Variants in AVEN observed in about 807,000 individuals in gnomAD.
The protein encoded by AVEN is cell death regulator Aven.
AVEN carries 41 observed loss-of-function variants against 38.1 expected under a neutral mutation model. The ratio of observed to expected loss-of-function variants is 1.08; its 90% CI spans 0.84 to 1.40. The LOEUF (loss-of-function observed/expected upper bound fraction) is 1.40. Among genes scored for constraint, AVEN ranks in the 40% most tolerant of loss-of-function variants. The pLI is 0.00. For synonymous variants in AVEN, 206 were observed against 171.8 expected, an observed-to-expected ratio of 1.20 and a Z score of -1.56; for missense variants, 605 against 438.8, an observed-to-expected ratio of 1.38 and a Z score of -3.38.
chr15:33,858,922 G>C (rs2080028010), exon 12 of AVEN: 1 of 152,382 alleles, frequency 6.6e-6, no homozygotes, highest in Admixed American at 6.5e-5. Context: ...ACCGTCATGA[G>C]ACAGCAATCC....
At chr15:33,911,165 ATCAC>A (rs1156831643) in intron 2 of AVEN, among the ~76,000 whole-genome samples, 1 of 152,164 alleles carries the variant, frequency 6.6e-6, no homozygotes, top group Non-Finnish European at 1.5e-5. Flanking sequence ...ACCTCTTCTC[ATCAC>A]TCACAGTATC....
intron 2 of AVEN, among the ~76,000 whole-genome samples, chr15:33,917,391 CACACA>C (rs201152379): frequency 0.2 from 60 of 300 alleles, no homozygotes; most frequent in East Asian, 0.46. Flanking sequence ...CACACACACA[CACACA>C]CATGGAATAC....
intron 2 of AVEN, among the ~76,000 whole-genome samples, chr15:33,922,434 CT>C (rs1396202453): frequency 4.1e-5 from 3 of 72,660 alleles, no homozygotes; most frequent in African/African-American, 9.1e-5. Flanking sequence ...TGATTTGACA[CT>C]TTTTTTTCTC....
chr15:33,930,519 A>G (rs971050114), intron 2 of AVEN, among the ~76,000 whole-genome samples: 2 of 152,216 alleles, frequency 1.3e-5, no homozygotes, highest in African/African-American at 4.8e-5. Flanking sequence ...AAAGACATGG[A>G]GCTAAATAAT....
At chr15:33,859,876 T>C in intron 11 of AVEN, 1 of 897,508 alleles carries the variant, frequency 1.1e-6, no homozygotes, top group East Asian at 2.6e-5. Flanking sequence ...GCATCTACTA[T>C]ACCTGAGGCT....
intron 2 of AVEN, among the ~76,000 whole-genome samples, chr15:33,886,461 C>G (rs942405145): frequency 5.9e-5 from 9 of 152,176 alleles, no homozygotes; most frequent in Non-Finnish European, 1.3e-4. Flanking sequence ...TGCCACCACA[C>G]TCGGCTAATT....
At chr15:34,010,948 T>G (rs1007331339) in intron 1 of AVEN, among the ~76,000 whole-genome samples, 1 of 152,364 alleles carries the variant, frequency 6.6e-6, no homozygotes. Context: ...CTTTTTTCAC[T>G]ATTAAAAAAC....
At chr15:33,916,636 C>CAAT (rs1244176178) in intron 2 of AVEN, among the ~76,000 whole-genome samples, 10 of 151,904 alleles carry the variant, frequency 6.6e-5, no homozygotes, top group African/African-American at 2.4e-4. Flanking sequence ...AACCACAATG[C>CAAT]AATACTACAT....
chr15:33,866,743 A>G lies in AVEN; in HGVS notation c.974-15T>C. 6.4e-7 allele frequency: 1 copy of G among 1,561,030 alleles called. No individual in the cohort carries two copies. Among genetic ancestry groups the G allele is most frequent in the Non-Finnish European group, 8.8e-7 (1 of 1,131,994 alleles). On this transcript the variant is annotated splice_polypyrimidine_tract_variant and intron_variant, in intron 5 of 5. Coordinates refer to ENST00000306730, the MANE Select transcript of AVEN (RefSeq NM_020371.3). ...TTTTGCACAAACTGGGGGAAAAAAAACAATGTTAACACCCTCAGATGAGTC... is the reference window on the plus strand; with the variant it reads ...TTTTGCACAAACTGGGGGAAAAAAAGCAATGTTAACACCCTCAGATGAGTC...
chr15:33,870,989 G>A lies in AVEN; in HGVS notation c.558C>T (p.Ala186=), dbSNP rs551382705. 6.2e-7 allele frequency: 1 copy of A among 1,609,284 alleles called. No homozygotes were observed. The highest frequency in any genetic ancestry group is 8.5e-7 in the Non-Finnish European group (1 of 1,177,288). The change falls in exon 4 of 6, where the codon GCC becomes GCT. Residue 186 remains alanine (A), a synonymous_variant. Coordinates refer to ENST00000306730, the MANE Select transcript of AVEN (RefSeq NM_020371.3). ...GGAGGCAGAGAGGCAGCTCTTGAAGGGCTCGAACCAATAACTCACTATCCA... is the reference window on the plus strand; with the variant it reads ...GGAGGCAGAGAGGCAGCTCTTGAAGAGCTCGAACCAATAACTCACTATCCA... ...FYVDSELLVR[A]LQELPLCLRL...
downstream of AVEN, chr15:33,853,787 G>GTC (rs761755960): frequency 4.9e-6 from 7 of 1,441,872 alleles, no homozygotes; most frequent in Non-Finnish European, 5.6e-6. Context: ...TCAGGCTGTG[G>GTC]TCTGGCTTAG....
chr15:33,974,261 T>C (rs957579581), intron 2 of AVEN, among the ~76,000 whole-genome samples: 7 of 152,258 alleles, frequency 4.6e-5, no homozygotes, highest in African/African-American at 1.7e-4. Flanking sequence ...TACAGTCATC[T>C]TTCTATTCAA....
At chr15:33,924,086 G>A (rs1893518420) in intron 2 of AVEN, among the ~76,000 whole-genome samples, 1 of 151,694 alleles carries the variant, frequency 6.6e-6, no homozygotes, top group Non-Finnish European at 1.5e-5. Context: ...CCCTTTTCTG[G>A]TCCACAGAAA....
At chr15:33,864,082 G>GGGAATGAACTTGGGTCTTGA, downstream of AVEN, 2 of 1,303,520 alleles carry the variant, frequency 1.5e-6, no homozygotes, top group Non-Finnish European at 2.2e-6. Context: ...GTTAATCCAT[G>GGGAATGAACTTGGGTCTTGA]CGAATGAACT....
chr15:34,061,305 A>C (rs1900328827), intron 5 of AVEN, among the ~76,000 whole-genome samples: 1 of 152,200 alleles, frequency 6.6e-6, no homozygotes, highest in African/African-American at 2.4e-5. Flanking sequence ...TTGAAAGTTA[A>C]AATTTGTCAA....
intron 2 of AVEN, among the ~76,000 whole-genome samples, chr15:33,938,962 C>T (rs1894207117): frequency 6.6e-6 from 1 of 152,188 alleles, no homozygotes; most frequent in African/African-American, 2.4e-5. Context: ...CTGTCTCAGC[C>T]TCCAAAGAAG....
intron 2 of AVEN, among the ~76,000 whole-genome samples, chr15:33,926,136 A>AAAG (rs139636462): frequency 0.035 from 5,283 of 152,254 alleles, 168 homozygotes; most frequent in African/African-American, 0.087. Flanking sequence ...AAAAATGTGA[A>AAAG]AAGTATTTCC....
intron 2 of AVEN, among the ~76,000 whole-genome samples, chr15:33,983,216 A>ATG (rs1851013682): frequency 8.6e-5 from 1 of 11,610 alleles, no homozygotes; most frequent in Non-Finnish European, 2.1e-4. Context: ...ATATATATAC[A>ATG]TATATATACA....
intron 2 of AVEN, among the ~76,000 whole-genome samples, chr15:33,959,841 C>T (rs1445682396): frequency 6.6e-6 from 1 of 152,172 alleles, no homozygotes; most frequent in Non-Finnish European, 1.5e-5. Flanking sequence ...AATCCTATTA[C>T]AGCAGAAAGG....
Sources: gnomAD v4.1 joint callset for allele counts (sites outside exome capture counted in the v4.1 genomes callset) on GRCh38, gnomAD v4.1.1 for gene constraint, MANE v1.5 for transcripts, NCBI Gene and HGNC (gene_info 2026-07-23, HGNC 2026-07-21) for gene names.